The following RGSL1 variants were observed in gnomAD, a reference collection of about 807,000 sequenced individuals.
The protein encoded by RGSL1 is regulator of G protein signaling protein-like.
A neutral mutation model predicts 124.7 loss-of-function variants in RGSL1; 97 were observed. The ratio of observed to expected loss-of-function variants is 0.78; its 90% CI spans 0.66 to 0.92. The LOEUF (loss-of-function observed/expected upper bound fraction) is 0.92. Among genes scored for constraint, RGSL1 ranks in the 40% least tolerant of loss-of-function variants. RGSL1 has a pLI of 0.00. For missense variants in RGSL1, 1,233 were observed against 1,288.4 expected (o/e 0.96, Z 0.66); for synonymous variants, 424 against 438.1 (o/e 0.97, Z 0.40).
intron 6 of RGSL1, among the ~76,000 whole-genome samples, chr1:182,474,898 G>C (rs932042656): frequency 6.6e-6 from 1 of 152,108 alleles, no homozygotes; most frequent in African/African-American, 2.4e-5. Context: ...TATGAGAATC[G>C]AATGCCTGAT....
At chr1:182,535,145 A>G (rs554785629) in intron 14 of RGSL1, among the ~76,000 whole-genome samples, 18 of 152,186 alleles carry the variant, frequency 1.2e-4, no homozygotes, top group Non-Finnish European at 2.4e-4. Flanking sequence ...AGAAATAGAA[A>G]ATGGCATAAC....
chr1:182,514,506 C>G (rs1173764563), intron 9 of RGSL1, among the ~76,000 whole-genome samples: 1 of 152,230 alleles, frequency 6.6e-6, no homozygotes, highest in Non-Finnish European at 1.5e-5. Flanking sequence ...CATCACGTCT[C>G]TCCAGGAGAG....
At chr1:182,456,840 A>C (rs1292841763) in intron 2 of RGSL1, among the ~76,000 whole-genome samples, 2 of 152,124 alleles carry the variant, frequency 1.3e-5, no homozygotes, top group African/African-American at 4.8e-5. Flanking sequence ...GTGAAGTAGG[A>C]AGTATTTTCC....
intron 9 of RGSL1, among the ~76,000 whole-genome samples, chr1:182,493,853 C>G (rs1373448712): frequency 6.6e-6 from 1 of 152,150 alleles, no homozygotes; most frequent in Admixed American, 6.5e-5. Flanking sequence ...CCAGTACCAC[C>G]CACTACTGTC....
chr1:182,514,381 A>G (rs1483874239), intron 9 of RGSL1, among the ~76,000 whole-genome samples: 2 of 152,126 alleles, frequency 1.3e-5, no homozygotes, highest in African/African-American at 4.8e-5. Context: ...TCAGTTGGAT[A>G]AAGTTCGCCC....
chr1:182,531,963 CA>C (rs1241209671), intron 13 of RGSL1, among the ~76,000 whole-genome samples: 6 of 152,274 alleles, frequency 3.9e-5, no homozygotes, highest in Admixed American at 2.6e-4. Context: ...GCTCCAGACT[CA>C]AAGTTTTTTA....
At position 182,551,093 on chromosome 1, in the gene RGSL1, C is replaced by T. The variant is rs1288044309; in HGVS notation, c.2934-7C>T. 2.6e-6 allele frequency: 4 copies of T among 1,546,654 alleles called. No individual in the cohort carries two copies. Among genetic ancestry groups the T allele is most frequent in the Non-Finnish European group, 3.5e-6 (4 of 1,142,540 alleles). ...CCTCCTATGACCAGAAGCCATTCTT[C>T]CCACAGGTTTTGTTTCTGGAAGGCA... On this transcript the variant is annotated splice_polypyrimidine_tract_variant and splice_region_variant and intron_variant, in intron 17 of 21. Coordinates refer to ENST00000294854, the MANE Select transcript of RGSL1 (RefSeq NM_001137669.2).
intron 4 of RGSL1, among the ~76,000 whole-genome samples, chr1:182,467,745 A>G (rs1422121256): frequency 6.6e-6 from 1 of 152,252 alleles, no homozygotes. Flanking sequence ...AGCAATGGCA[A>G]TAAAAGCCAA....
intron 6 of RGSL1, among the ~76,000 whole-genome samples, chr1:182,483,418 C>T (rs1654859094): frequency 6.6e-6 from 1 of 152,000 alleles, no homozygotes; most frequent in African/African-American, 2.4e-5. Flanking sequence ...GTATGTCAAT[C>T]ATACCTTAAT....
intron 9 of RGSL1, among the ~76,000 whole-genome samples, chr1:182,521,196 A>G (rs1658307739): frequency 6.6e-6 from 1 of 152,124 alleles, no homozygotes; most frequent in South Asian, 2.1e-4. Context: ...CAGCCTTCCA[A>G]GTAGCTAGGA....
chr1:182,553,484 C>T lies in RGSL1; in HGVS notation c.3073C>T (p.Leu1025Phe), dbSNP rs1179297944. 6.4e-7 allele frequency: 1 copy of T among 1,552,010 alleles called. No individual in the cohort carries two copies. Among genetic ancestry groups the T allele is most frequent in the East Asian group, 2.4e-5 (1 of 40,906 alleles). The change falls in exon 19 of 22, where the codon CTC becomes TTC. Residue 1025 changes from leucine (L) to phenylalanine (F), a missense_variant. Physicochemically the swap from Leu to Phe is conservative, Grantham distance 22. Transcript: ENST00000294854. ...GDNAILRFTL[L>F]RGIEWLQPQR... ...CAATGCCATCTTAAGGTTCACCTTG[C>T]TCAGAGGTATTGAGTGGTTGCAGCC...
At chr1:182,541,930 G>T (rs1015250434) in intron 15 of RGSL1, among the ~76,000 whole-genome samples, 4 of 151,940 alleles carry the variant, frequency 2.6e-5, no homozygotes, top group Non-Finnish European at 4.4e-5. Flanking sequence ...GATTATTTGG[G>T]TTTTTTGTTA....
At chr1:182,520,079 G>T (rs1470770905) in intron 9 of RGSL1, among the ~76,000 whole-genome samples, 1 of 151,868 alleles carries the variant, frequency 6.6e-6, no homozygotes, top group Non-Finnish European at 1.5e-5. Flanking sequence ...TGTTATTTCT[G>T]CTTGATTTAT....
chr1:182,541,455 C>T (rs1285083654), intron 15 of RGSL1, among the ~76,000 whole-genome samples: 4 of 152,152 alleles, frequency 2.6e-5, no homozygotes, highest in Admixed American at 2.6e-4. Context: ...GTATACACCA[C>T]ATTTCTTTAA....
chr1:182,546,916 G>C (rs1483830369), intron 15 of RGSL1, among the ~76,000 whole-genome samples: 1 of 152,192 alleles, frequency 6.6e-6, no homozygotes, highest in Non-Finnish European at 1.5e-5. Context: ...TGAGAAAGAT[G>C]AGAATGTACT....
At chr1:182,495,599 C>T (rs116702649) in intron 9 of RGSL1, among the ~76,000 whole-genome samples, 100 of 152,274 alleles carry the variant, frequency 6.6e-4, no homozygotes, top group African/African-American at 2.1e-3. Context: ...ACAGGTTCGC[C>T]GCCAAAGTTC....
At chr1:182,529,712 A>G (rs1659022665) in intron 11 of RGSL1, among the ~76,000 whole-genome samples, 2 of 152,222 alleles carry the variant, frequency 1.3e-5, no homozygotes, top group South Asian at 4.1e-4. Context: ...AGCATTATTT[A>G]TTTGTTGAAT....
rs573884081 is a variant in RGSL1 at position 182,469,106 on chromosome 1, G to A, written c.302-3290G>A. Reference sequence around the variant, plus strand: ...TGGAGGACAAAATGTTCACAACATTGGATTTGGCAGTGATGTCTTGGATAT... The same window carrying A: ...TGGAGGACAAAATGTTCACAACATTAGATTTGGCAGTGATGTCTTGGATAT... On this transcript the variant is annotated intron_variant, in intron 4 of 21. Coordinates refer to ENST00000294854, the MANE Select transcript of RGSL1 (RefSeq NM_001137669.2). 8.5e-5 allele frequency among the ~76,000 whole-genome samples: 13 copies of A among 152,204 alleles called. 1 individual carries two copies. The highest frequency in any genetic ancestry group is 2.2e-4 in the African/African-American group (9 of 41,538).
chr1:182,512,294 T>C (rs1402766740), intron 9 of RGSL1, among the ~76,000 whole-genome samples: 1 of 152,208 alleles, frequency 6.6e-6, no homozygotes, highest in Non-Finnish European at 1.5e-5. Context: ...ATCTTTGATA[T>C]GTTGTCTATT....
Sources: gnomAD v4.1 joint callset for allele counts (sites outside exome capture counted in the v4.1 genomes callset) on GRCh38, gnomAD v4.1.1 for gene constraint, MANE v1.5 for transcripts, NCBI Gene and HGNC (gene_info 2026-07-23, HGNC 2026-07-21) for gene names.